Variants in ME3 observed in about 807,000 individuals in gnomAD.
ME3 encodes the protein malic enzyme 3, also known as NADP-dependent malic enzyme, mitochondrial.
A neutral mutation model predicts 68.9 loss-of-function variants in ME3; 48 were observed. The ratio of observed to expected loss-of-function variants is 0.70; its 90% confidence interval spans 0.55 to 0.89. ME3 has a LOEUF of 0.89. Ranked by LOEUF, ME3 falls within the 40% of genes least tolerant of loss-of-function variation. The probability of loss-of-function intolerance (pLI) is 0.00; values close to 1 mark genes in which losing one functional copy is unlikely to be tolerated. For synonymous variants in ME3, 320 were observed against 318.8 expected (o/e 1.00, Z -0.04); for missense variants, 675 against 797.4 (o/e 0.85, Z 1.85).
intron 2 of ME3, among the ~76,000 whole-genome samples, chr11:86,651,256 C>A (rs1446275890): frequency 2.6e-5 from 4 of 152,196 alleles, no homozygotes; most frequent in Non-Finnish European, 4.4e-5. Flanking sequence ...GTGGTTCTCC[C>A]AGCACGCAGC....
chr11:86,628,100 C>T (rs1225196640), intron 2 of ME3, among the ~76,000 whole-genome samples: 1 of 152,220 alleles, frequency 6.6e-6, no homozygotes, highest in African/African-American at 2.4e-5. Flanking sequence ...TGGTAGACAT[C>T]TTTTGGGTGC....
chr11:86,661,453 T>C lies in ME3; in HGVS notation c.183+10309A>G, dbSNP rs574905555. Among the ~76,000 whole-genome samples the C allele has an allele frequency of 2.0e-5, 3 of 152,314 alleles. No homozygotes were observed. The South Asian group carries it at 6.2e-4, about 32-fold the overall frequency. Reference sequence around the variant, plus strand: ...ACTGGAGAGATGTCTTTAATTCTATTTGTAGAATTAGAAATGTCATGATAT... The same window carrying C: ...ACTGGAGAGATGTCTTTAATTCTATCTGTAGAATTAGAAATGTCATGATAT... On this transcript the variant is annotated intron_variant, in intron 2 of 14. Coordinates refer to ENST00000543262, the Ensembl canonical transcript of ME3.
At chr11:86,532,687 C>T (rs932919879) in intron 4 of ME3, among the ~76,000 whole-genome samples, 1 of 152,122 alleles carries the variant, frequency 6.6e-6, no homozygotes, top group Non-Finnish European at 1.5e-5. Flanking sequence ...AAACTGGAAA[C>T]ATAGCATAAT....
At chr11:86,506,225 G>C (rs2139077286) in intron 5 of ME3, among the ~76,000 whole-genome samples, 1 of 152,192 alleles carries the variant, frequency 6.6e-6, no homozygotes, top group East Asian at 1.9e-4. Context: ...CCTCTTCCAG[G>C]GTGCCCAAAG....
In ME3 at chr11:86,574,525, C is replaced by T. The variant is rs189678783; in HGVS notation, c.184-14702G>A. ...TCTACTGCAGTTTGCTGGAGATCCA[C>T]TCCAAGCCCTGTTCACCTGGGTATC... On this transcript the variant is annotated intron_variant, in intron 2 of 14. Coordinates refer to ENST00000543262, the Ensembl canonical transcript of ME3. Among the ~76,000 whole-genome samples, 449 of 152,236 alleles carry T rather than the reference C, an allele frequency of 2.9e-3. 1 individual carries two copies. Among genetic ancestry groups the T allele is most frequent in the Non-Finnish European group, 4.9e-3 (334 of 68,024 alleles).
At chr11:86,510,463 C>T (rs1186196938) in intron 4 of ME3, among the ~76,000 whole-genome samples, 1 of 152,204 alleles carries the variant, frequency 6.6e-6, no homozygotes, top group African/African-American at 2.4e-5. Context: ...TACTATGCCA[C>T]TTTTTTTCTT....
At chr11:86,495,596 G>A (rs959711970) in intron 6 of ME3, among the ~76,000 whole-genome samples, 9 of 152,190 alleles carry the variant, frequency 5.9e-5, no homozygotes, top group Admixed American at 1.3e-4. Flanking sequence ...GCTCATCCAC[G>A]CCTGCAAAGA....
At chr11:86,504,937 C>G (rs12294332) in intron 5 of ME3, among the ~76,000 whole-genome samples, 1 of 152,084 alleles carries the variant, frequency 6.6e-6, no homozygotes, top group Non-Finnish European at 1.5e-5. Flanking sequence ...GTGATCCGCC[C>G]GCCTCAGCCT....
chr11:86,533,549 T>G, intron 4 of ME3, among the ~76,000 whole-genome samples: 1 of 152,194 alleles, frequency 6.6e-6, no homozygotes, highest in East Asian at 1.9e-4. Context: ...GCTTCACTGT[T>G]GAATTCTACC....
intron 2 of ME3, among the ~76,000 whole-genome samples, chr11:86,646,807 G>T (rs1343777627): frequency 6.6e-6 from 1 of 152,120 alleles, no homozygotes; most frequent in Admixed American, 6.5e-5. Flanking sequence ...AGAGGGAAAG[G>T]TCAGATTACC....
At chr11:86,668,660 A>C (rs1434644782) in intron 2 of ME3, among the ~76,000 whole-genome samples, 1 of 152,236 alleles carries the variant, frequency 6.6e-6, no homozygotes, top group African/African-American at 2.4e-5. Flanking sequence ...TGGAGCTGGT[A>C]CCAGAACCCA....
chr11:86,596,000 A>C (rs1346784154), intron 2 of ME3, among the ~76,000 whole-genome samples: 2 of 152,226 alleles, frequency 1.3e-5, no homozygotes, highest in African/African-American at 4.8e-5. Flanking sequence ...AGAAATTCCA[A>C]CAAGTGTTCC....
intron 2 of ME3, among the ~76,000 whole-genome samples, chr11:86,585,789 G>C (rs993845991): frequency 6.6e-6 from 1 of 152,126 alleles, no homozygotes; most frequent in Non-Finnish European, 1.5e-5. Context: ...AGCCTGGCTT[G>C]AGCTTTGAGA....
At chr11:86,595,320 G>GAGAGAC (rs1554996002) in intron 2 of ME3, among the ~76,000 whole-genome samples, 6 of 138,642 alleles carry the variant, frequency 4.3e-5, no homozygotes, top group African/African-American at 1.4e-4. Flanking sequence ...GAGAGAGAGA[G>GAGAGAC]AGAGAGAGAG....
chr11:86,550,628 A>T (rs1157957559), intron 4 of ME3, among the ~76,000 whole-genome samples: 1 of 152,220 alleles, frequency 6.6e-6, no homozygotes, highest in Non-Finnish European at 1.5e-5. Context: ...CAAAGGAATC[A>T]GTGCTTTGGT....
intron 2 of ME3, among the ~76,000 whole-genome samples, chr11:86,647,414 G>A (rs1420005362): frequency 6.6e-6 from 1 of 151,972 alleles, no homozygotes; most frequent in Non-Finnish European, 1.5e-5. Context: ...GAACCTAGGA[G>A]GCGGAGCTTG....
intron 2 of ME3, among the ~76,000 whole-genome samples, chr11:86,575,443 G>A (rs1397967772): frequency 6.8e-6 from 1 of 147,442 alleles, no homozygotes. Flanking sequence ...AGATGTAGGT[G>A]ATTCAGCAAA....
At chr11:86,662,007 T>G (rs1017025026) in intron 2 of ME3, among the ~76,000 whole-genome samples, 2 of 152,130 alleles carry the variant, frequency 1.3e-5, no homozygotes, top group African/African-American at 4.8e-5. Flanking sequence ...GAAAAAGGCA[T>G]CCAGTGATCT....
intron 3 of ME3, among the ~76,000 whole-genome samples, chr11:86,557,306 C>T (rs575183378): frequency 6.6e-6 from 1 of 152,202 alleles, no homozygotes; most frequent in South Asian, 2.1e-4. Context: ...AATCACTAAG[C>T]CAGGGAAAGA....
Sources: allele counts gnomAD v4.1 joint callset (sites outside exome capture counted in the v4.1 genomes callset), GRCh38; gene constraint gnomAD v4.1.1; transcripts MANE v1.5; gene names NCBI Gene and HGNC (gene_info 2026-07-23, HGNC 2026-07-21).